The following CDH4 variants were observed in gnomAD, a reference collection of about 807,000 sequenced individuals.
CDH4 encodes cadherin 4, also known as cadherin-4.
A neutral mutation model predicts 86.0 loss-of-function variants in CDH4; 33 were observed. The observed-to-expected ratio is 0.38, with a 90% confidence interval of 0.29 to 0.51. The LOEUF is 0.51. Ranked by LOEUF, CDH4 falls within the 20% of genes least tolerant of loss-of-function variation. CDH4 has a pLI of 0.86. For synonymous variants in CDH4, 555 were observed against 549.4 expected, an observed-to-expected ratio of 1.01 and a Z score of -0.14; for missense variants, 1,114 against 1,307.4, an observed-to-expected ratio of 0.85 and a Z score of 2.28.
At chr20:61,729,300 A>G (rs906960994) in intron 2 of CDH4, among the ~76,000 whole-genome samples, 1 of 152,220 alleles carries the variant, frequency 6.6e-6, no homozygotes, top group Non-Finnish European at 1.5e-5. Context: ...AGTGGGCACC[A>G]GTAGGACTGG....
intron 2 of CDH4, among the ~76,000 whole-genome samples, chr20:61,734,256 A>C (rs2088232816): frequency 6.6e-6 from 1 of 152,234 alleles, no homozygotes; most frequent in African/African-American, 2.4e-5. Flanking sequence ...TGGAAAAACA[A>C]AAGAAGCCGG....
chr20:61,684,639 G>T lies in CDH4; in HGVS notation c.170-58924G>T, dbSNP rs547217770. ...CTAACCTGCTCTTTAAAATTTTAGG[G>T]CTTTCTTGGGTAGTTTCATTTTATC... is the stretch of plus-strand genomic sequence containing the variant. On this transcript the variant is annotated intron_variant, in intron 2 of 15. Transcript: ENST00000614565. This position sits in a 1 kb window ranked among gnomAD's most constrained non-coding sequence, Gnocchi z 4.5. 6.6e-6 allele frequency among the ~76,000 whole-genome samples: 1 copy of T among 152,036 alleles called. No homozygotes were observed. Among genetic ancestry groups the T allele is most frequent in the Admixed American group, 6.6e-5 (1 of 15,264 alleles).
intron 3 of CDH4, among the ~76,000 whole-genome samples, chr20:61,753,388 CCTT>C (rs1469552826): frequency 4.6e-5 from 7 of 152,334 alleles, no homozygotes; most frequent in African/African-American, 7.2e-5. Flanking sequence ...CAACTTTTCT[CCTT>C]CTTTTGTCGC....
intron 2 of CDH4, among the ~76,000 whole-genome samples, chr20:61,664,392 A>G (rs536619575): frequency 6.6e-6 from 1 of 152,326 alleles, no homozygotes; most frequent in South Asian, 2.1e-4. Flanking sequence ...GGGTGGGGGC[A>G]GAAACCACAG....
intron 3 of CDH4, among the ~76,000 whole-genome samples, chr20:61,746,062 G>T (rs770138988): frequency 5.3e-5 from 8 of 151,992 alleles, no homozygotes; most frequent in Admixed American, 4.6e-4. Context: ...CAGGCTCAGC[G>T]CACCCTGGGG....
chr20:61,463,284 G>A (rs1600696616), intron 2 of CDH4, among the ~76,000 whole-genome samples: 1 of 152,170 alleles, frequency 6.6e-6, no homozygotes, highest in African/African-American at 2.4e-5. Flanking sequence ...ATACAGGTGG[G>A]CACCGGGGCA....
At chr20:61,476,569 C>G (rs1185440882) in intron 2 of CDH4, among the ~76,000 whole-genome samples, 1 of 152,158 alleles carries the variant, frequency 6.6e-6, no homozygotes, top group Non-Finnish European at 1.5e-5. Flanking sequence ...AAGGAAGGCC[C>G]CCGGTGAGAC....
At position 61,754,273 on chromosome 20, in the gene CDH4, CAG is replaced by C. The variant is rs2088531939; in HGVS notation, c.396+10486_396+10487del. The stretch of plus-strand genomic sequence containing the variant: ...GAGCCTTTCAGCCGAGGTGGAGACT[CAG>C]ATGGCAGAGTGCAGACAGACCCCAA... On this transcript the variant is annotated intron_variant, in intron 3 of 15. Transcript: ENST00000614565. This position sits in a 1 kb window ranked among gnomAD's most constrained non-coding sequence, Gnocchi z 4.7. Among the ~76,000 whole-genome samples, 2 of 152,300 alleles carry C rather than the reference CAG, an allele frequency of 1.3e-5. No homozygotes were observed. Among genetic ancestry groups the C allele is most frequent in the African/African-American group, 4.8e-5 (2 of 41,568 alleles).
At chr20:61,283,558 TGATGTAG>T (rs1242515484) in intron 2 of CDH4, among the ~76,000 whole-genome samples, 3 of 142,176 alleles carry the variant, frequency 2.1e-5, no homozygotes, top group African/African-American at 5.2e-5. Context: ...CTGTGGTGTG[TGATGTAG>T]GTGCATTTGC....
chr20:61,750,127 G>A (rs2088472967), intron 3 of CDH4, among the ~76,000 whole-genome samples: 1 of 152,246 alleles, frequency 6.6e-6, no homozygotes, highest in African/African-American at 2.4e-5. Flanking sequence ...AACTGAAAAT[G>A]AGACCCAAAG....
At chr20:61,268,382 T>C (rs563943352) in intron 2 of CDH4, among the ~76,000 whole-genome samples, 3 of 152,260 alleles carry the variant, frequency 2.0e-5, no homozygotes, top group African/African-American at 7.2e-5. Flanking sequence ...GAGTGGGACC[T>C]GCACACGGGG....
At chr20:61,339,472 A>T (rs1042670129) in intron 2 of CDH4, among the ~76,000 whole-genome samples, 2 of 152,118 alleles carry the variant, frequency 1.3e-5, no homozygotes, top group Non-Finnish European at 2.9e-5. Flanking sequence ...TGTGTGTGTG[A>T]TCATTTTTGG....
chr20:61,890,398 G>GTGGA (rs566937146), intron 7 of CDH4, among the ~76,000 whole-genome samples: 5 of 150,884 alleles, frequency 3.3e-5, no homozygotes, highest in Non-Finnish European at 7.4e-5. Flanking sequence ...TGGTAGATGG[G>GTGGA]TGGATGGATG....
Position 61,530,511 on chromosome 20 carries a change from C to T in CDH4, c.170-213052C>T, listed in dbSNP as rs138571457. Among the ~76,000 whole-genome samples, 342 of 152,140 alleles carry T rather than the reference C, an allele frequency of 2.2e-3. 2 individuals carry two copies. The highest frequency in any genetic ancestry group is 3.8e-3 in the Non-Finnish European group (257 of 67,988). On this transcript the variant is annotated intron_variant, in intron 2 of 15. Coordinates refer to ENST00000614565, the MANE Select transcript of CDH4 (RefSeq NM_001794.5). ...GATGCCGTGGCAAGGGGACCCTGCA[C>T]GGCATGTACTGGGAAGTAGCCTCTT...
At chr20:61,741,496 A>AG (rs2088333716) in intron 2 of CDH4, among the ~76,000 whole-genome samples, 1 of 123,904 alleles carries the variant, frequency 8.1e-6, no homozygotes, top group South Asian at 2.5e-4. Context: ...GTGTGCCTGT[A>AG]CTTTTTTTTT....
intron 2 of CDH4, among the ~76,000 whole-genome samples, chr20:61,666,272 G>T (rs1291621397): frequency 6.6e-6 from 1 of 152,210 alleles, no homozygotes; most frequent in Non-Finnish European, 1.5e-5. Flanking sequence ...ACAGATGAGA[G>T]CCACGGTGCC....
At chr20:61,420,140 A>G (rs2085169236) in intron 2 of CDH4, among the ~76,000 whole-genome samples, 1 of 152,246 alleles carries the variant, frequency 6.6e-6, no homozygotes, top group Non-Finnish European at 1.5e-5. Flanking sequence ...CTGGGCTCTT[A>G]CAAGTGGTCT....
chr20:61,879,756 G>A lies in CDH4; in HGVS notation c.1050+5856G>A, dbSNP rs1262238727. ...GAAGGTGAGAGTGGGCTCTGCAGAC[G>A]CAGGCGCTGTTCCGATTGTTGGGCA... On this transcript the variant is annotated intron_variant, in intron 7 of 15. Transcript: ENST00000614565. This position sits in a 1 kb window ranked among gnomAD's most constrained non-coding sequence, Gnocchi z 4.1. Among the ~76,000 whole-genome samples, 4 of 152,180 alleles carry A rather than the reference G, an allele frequency of 2.6e-5. No individual in the cohort carries two copies. Among genetic ancestry groups the A allele is most frequent in the African/African-American group, 9.7e-5 (4 of 41,432 alleles).
chr20:61,778,534 G>A (rs1978366745), intron 4 of CDH4, among the ~76,000 whole-genome samples: 1 of 152,070 alleles, frequency 6.6e-6, no homozygotes, highest in South Asian at 2.1e-4. Flanking sequence ...AAAGCAAAGG[G>A]GTGGCTCTAA....
Sources: allele counts gnomAD v4.1 joint callset (sites outside exome capture counted in the v4.1 genomes callset), GRCh38; gene constraint gnomAD v4.1.1; non-coding constraint Gnocchi (gnomAD v3.1); transcripts MANE v1.5; gene names NCBI Gene and HGNC (gene_info 2026-07-23, HGNC 2026-07-21).